TSHZ3: variants seen among roughly 807,000 people sequenced by gnomAD.
TSHZ3 encodes teashirt zinc finger homeobox 3, also known as teashirt homolog 3.
Under a neutral mutation model 64.5 loss-of-function variants are expected in TSHZ3, and 10 were observed. That is an observed-to-expected ratio of 0.16 (90% CI 0.10 to 0.26). The LOEUF is 0.26. Ranked by LOEUF, TSHZ3 falls within the 10% of genes least tolerant of loss-of-function variation. The probability of loss-of-function intolerance (pLI) is 1.00; values close to 1 mark genes in which losing one functional copy is unlikely to be tolerated. For missense variants in TSHZ3, 1,242 were observed against 1,421.7 expected (o/e 0.87, Z 2.03); for synonymous variants, 608 against 593.1 (o/e 1.03, Z -0.36).
intron 1 of TSHZ3, among the ~76,000 whole-genome samples, chr19:31,323,161 C>T (rs906379173): frequency 1.3e-5 from 2 of 152,164 alleles, no homozygotes; most frequent in Non-Finnish European, 2.9e-5. Flanking sequence ...GCTGAGATAA[C>T]CTCAAAGGAG....
chr19:31,176,306 C>G (rs1254747162), intron 5 of TSHZ3, among the ~76,000 whole-genome samples: 1 of 152,076 alleles, frequency 6.6e-6, no homozygotes, highest in Non-Finnish European at 1.5e-5. Flanking sequence ...TCAGAGTTGA[C>G]AATCAAGTTT....
At chr19:31,201,527 C>A (rs752025201) in intron 5 of TSHZ3, among the ~76,000 whole-genome samples, 1 of 152,080 alleles carries the variant, frequency 6.6e-6, no homozygotes, top group Non-Finnish European at 1.5e-5. Context: ...GGGAAAAAAA[C>A]TGACTAAAGG....
chr19:31,197,440 A>T (rs1975009186), intron 5 of TSHZ3, among the ~76,000 whole-genome samples: 1 of 150,576 alleles, frequency 6.6e-6, no homozygotes, highest in Admixed American at 6.6e-5. Context: ...TGGAATAAGG[A>T]GAAGAAAAAA....
At chr19:31,221,494 C>A (rs1275527110) in intron 4 of TSHZ3, among the ~76,000 whole-genome samples, 1 of 152,176 alleles carries the variant, frequency 6.6e-6, no homozygotes, top group Non-Finnish European at 1.5e-5. Flanking sequence ...CAGCCATGTG[C>A]CCGAGGTCAT....
intron 1 of TSHZ3, among the ~76,000 whole-genome samples, chr19:31,269,061 G>A (rs1026029062): frequency 1.8e-4 from 27 of 152,068 alleles, no homozygotes; most frequent in African/African-American, 5.6e-4. Flanking sequence ...CAGGAAAGCC[G>A]CCTTCCTCTA....
At chr19:31,222,943 C>T (rs1041817686) in intron 4 of TSHZ3, among the ~76,000 whole-genome samples, 3 of 152,180 alleles carry the variant, frequency 2.0e-5, no homozygotes, top group East Asian at 1.9e-4. Flanking sequence ...GCGAGTCTCC[C>T]GCTGCCTGCC....
intron 5 of TSHZ3, among the ~76,000 whole-genome samples, chr19:31,164,303 C>T (rs927587225): frequency 1.3e-5 from 2 of 152,226 alleles, no homozygotes; most frequent in East Asian, 3.9e-4. Flanking sequence ...GCGCTGTTGA[C>T]CTGGACCCCT....
intron 1 of TSHZ3, among the ~76,000 whole-genome samples, chr19:31,251,443 C>A (rs1975840855): frequency 6.6e-6 from 1 of 152,192 alleles, no homozygotes; most frequent in Non-Finnish European, 1.5e-5. Flanking sequence ...CTGCCTCCTG[C>A]TCCCTAGTGA....
chr19:31,191,117 A>G (rs1033203001), intron 5 of TSHZ3, among the ~76,000 whole-genome samples: 3 of 152,188 alleles, frequency 2.0e-5, no homozygotes, highest in African/African-American at 4.8e-5. Flanking sequence ...TTGGGAGAGA[A>G]CAAATTATTT....
chr19:31,264,660 A>G (rs1568362936), intron 1 of TSHZ3, among the ~76,000 whole-genome samples: 1 of 151,640 alleles, frequency 6.6e-6, no homozygotes. Flanking sequence ...GTTGTATGAA[A>G]TCTCCCAATC....
chr19:31,269,906 C>T (rs551357930), intron 1 of TSHZ3, among the ~76,000 whole-genome samples: 14 of 152,194 alleles, frequency 9.2e-5, no homozygotes, highest in Non-Finnish European at 8.8e-5. Context: ...CCAGTACCCC[C>T]GCATGGAGGC....
At chr19:31,205,363 A>G (rs2145154110) in intron 4 of TSHZ3, among the ~76,000 whole-genome samples, 4 of 152,160 alleles carry the variant, frequency 2.6e-5, no homozygotes, top group Admixed American at 2.6e-4. Context: ...CCCCTTTTTT[A>G]TTCCATTATG....
intron 1 of TSHZ3, among the ~76,000 whole-genome samples, chr19:31,281,199 CCT>C (rs1422067831): frequency 1.3e-5 from 2 of 152,028 alleles, no homozygotes; most frequent in Non-Finnish European, 2.9e-5. Flanking sequence ...AAGATTTGCC[CCT>C]GTTCCATTTC....
intron 1 of TSHZ3, among the ~76,000 whole-genome samples, chr19:31,296,327 AT>A (rs35057697): frequency 0.38 from 35,573 of 93,200 alleles, 5,510 homozygotes; most frequent in East Asian, 0.64. Flanking sequence ...AGTGCTGTGA[AT>A]TTTTTTTTTT....
intron 5 of TSHZ3, among the ~76,000 whole-genome samples, chr19:31,179,751 GGTGGTGGTGATGGTGGGGGTGATGATA>G (rs1378417344): frequency 1.9e-4 from 29 of 151,616 alleles, no homozygotes; most frequent in African/African-American, 6.5e-4. Context: ...TGGTGGTGAT[GGTGGTGGTGATGGTGGGGGTGATGATA>G]ATGGTGGTGA....
intron 5 of TSHZ3, among the ~76,000 whole-genome samples, chr19:31,180,142 A>G (rs962407723): frequency 6.6e-6 from 1 of 152,116 alleles, no homozygotes; most frequent in African/African-American, 2.4e-5. Context: ...TAAGTTTAGT[A>G]TCTGATTATT....
chr19:31,333,826 C>T (rs993297059), intron 1 of TSHZ3, among the ~76,000 whole-genome samples: 1 of 152,086 alleles, frequency 6.6e-6, no homozygotes, highest in Non-Finnish European at 1.5e-5. Flanking sequence ...GCCAGGTTCC[C>T]GCACGCACGC....
chr19:31,238,536 G>T (rs963765766), intron 3 of TSHZ3, among the ~76,000 whole-genome samples: 1 of 152,138 alleles, frequency 6.6e-6, no homozygotes, highest in African/African-American at 2.4e-5. Flanking sequence ...GATTACAGGC[G>T]TGAGCCATTG....
chr19:31,161,835 G>A (rs1974377610), intron 5 of TSHZ3, among the ~76,000 whole-genome samples: 1 of 152,196 alleles, frequency 6.6e-6, no homozygotes, highest in Non-Finnish European at 1.5e-5. Context: ...ACTCAACTCT[G>A]CCATTGTAGG....
Sources: gnomAD v4.1 joint callset for allele counts (sites outside exome capture counted in the v4.1 genomes callset) on GRCh38, gnomAD v4.1.1 for gene constraint, MANE v1.5 for transcripts, NCBI Gene and HGNC (gene_info 2026-07-23, HGNC 2026-07-21) for gene names.